The following CRY2 variants were observed in gnomAD, a reference collection of about 807,000 sequenced individuals.
CRY2 encodes the protein cryptochrome-2.
In CRY2, 31 loss-of-function variants were observed where a neutral mutation model predicts 69.5. The ratio of observed to expected loss-of-function variants is 0.45; its 90% CI spans 0.34 to 0.60. The LOEUF (loss-of-function observed/expected upper bound fraction) is 0.60, where lower values mean the gene tolerates loss of function less well. Ranked by LOEUF, CRY2 falls within the 20% of genes least tolerant of loss-of-function variation. CRY2 has a pLI of 0.02. For missense variants in CRY2, 606 were observed against 797.8 expected, an observed-to-expected ratio of 0.76 and a Z score of 2.90; for synonymous variants, 303 against 312.2, an observed-to-expected ratio of 0.97 and a Z score of 0.31.
intron 4 of CRY2, 196 bp from the exon 5 acceptor site, chr11:45,861,864 A>C: frequency 1.7e-6 from 1 of 576,740 alleles, no homozygotes; most frequent in Non-Finnish European, 3.1e-6. Flanking sequence ...GTGCAGGGGA[A>C]AGCAGAGAAA....
At chr11:45,880,125 G>C (rs1232119025) in intron 11 of CRY2, among the ~76,000 whole-genome samples, 1 of 152,174 alleles carries the variant, frequency 6.6e-6, no homozygotes, top group Non-Finnish European at 1.5e-5. Context: ...CAAGTGTATA[G>C]TACCTGACCC....
chr11:45,865,084 A>C (rs1423234178), intron 5 of CRY2, among the ~76,000 whole-genome samples: 1 of 152,138 alleles, frequency 6.6e-6, no homozygotes, highest in Non-Finnish European at 1.5e-5. Context: ...TTAAATGGCC[A>C]AGACTAAATT....
chr11:45,877,864 C>G (rs2086435828), intron 11 of CRY2, among the ~76,000 whole-genome samples: 1 of 152,152 alleles, frequency 6.6e-6, no homozygotes, highest in South Asian at 2.1e-4. Flanking sequence ...TTGAACAGGC[C>G]TTTGGCTAGC....
intron 6 of CRY2, 107 bp downstream of exon 6, chr11:45,867,859 G>A: frequency 1.4e-6 from 2 of 1,456,894 alleles, no homozygotes; most frequent in Non-Finnish European, 1.9e-6. Flanking sequence ...TTGGGCTATG[G>A]CCCCTGGAAG....
At chr11:45,866,420 C>T (rs546356006) in intron 5 of CRY2, among the ~76,000 whole-genome samples, 10 of 152,140 alleles carry the variant, frequency 6.6e-5, no homozygotes, top group African/African-American at 2.2e-4. Flanking sequence ...AGACCAAGAG[C>T]GCCAGGCAGC....
chr11:45,868,734 G>A (rs2086351330), intron 6 of CRY2, among the ~76,000 whole-genome samples: 1 of 152,142 alleles, frequency 6.6e-6, no homozygotes, highest in East Asian at 1.9e-4. Flanking sequence ...TTCAGGCTCA[G>A]GTGATCCTCC....
At chr11:45,869,963 G>A in intron 7 of CRY2, 90 bp from the exon 8 acceptor site, 1 of 1,516,322 alleles carries the variant, frequency 6.6e-7, no homozygotes. Flanking sequence ...TTCAATGGAA[G>A]GGTTTTGGCT....
rs193130090 is a variant in CRY2 at position 45,855,757 on chromosome 11, G to C, written c.216-225G>C. On this transcript the variant is annotated intron_variant, in intron 1 of 11. Transcript: ENST00000616080. ...AAACAGGCAAAGAGGTTAGGTTATT[G>C]CCTAAAGTCACACAGCTAGTAAGTG... is the stretch of plus-strand genomic sequence containing the variant. 2.0e-3 allele frequency among the ~76,000 whole-genome samples: 304 copies of C among 152,312 alleles called. 1 individual carries two copies. The South Asian group carries it at 0.03, about 15-fold the overall frequency.
Position 45,867,655 on chromosome 11 carries a change from C to A in CRY2, c.785C>A (p.Ser262Tyr). 1.2e-6 allele frequency: 2 copies of A among 1,614,250 alleles called. No individual in the cohort carries two copies. Among genetic ancestry groups the A allele is most frequent in the Non-Finnish European group, 8.5e-7 (1 of 1,180,046 alleles). The change falls in exon 6 of 12, where the codon TCC becomes TAC. Residue 262 changes from serine (S) to tyrosine (Y), a missense_variant. This residue lies in a region of CRY2 where 382 missense variants were observed against 508.9 expected (regional missense o/e 0.75). Transcript: ENST00000616080. ...NYERPRMNANSLLASPTGLSP... is the reference protein window; with the variant it reads ...NYERPRMNANYLLASPTGLSP... ...GAGAGACCCCGAATGAACGCCAACT[C>A]CCTCCTGGCCAGCCCCACAGGCCTC... is the stretch of plus-strand genomic sequence containing the variant.
chr11:45,867,277 A>G (rs146281114), intron 5 of CRY2, among the ~76,000 whole-genome samples: 132 of 152,326 alleles, frequency 8.7e-4, no homozygotes, highest in Middle Eastern at 3.4e-3. Context: ...ATAATTAGAG[A>G]GTTCATTCAG....
At chr11:45,859,006 G>C in intron 3 of CRY2, 133 bp downstream of exon 3, 1 of 1,116,010 alleles carries the variant, frequency 9.0e-7, no homozygotes, top group South Asian at 1.6e-5. Context: ...CTAGAAGCTG[G>C]AGGAGAATAG....
intron 1 of CRY2, among the ~76,000 whole-genome samples, chr11:45,855,301 A>G (rs1293273501): frequency 6.6e-6 from 1 of 152,240 alleles, no homozygotes; most frequent in Non-Finnish European, 1.5e-5. Flanking sequence ...TCTGGGAACT[A>G]GGGACCCATT....
chr11:45,874,058 G>A (rs966218365), intron 11 of CRY2, among the ~76,000 whole-genome samples: 2 of 152,142 alleles, frequency 1.3e-5, no homozygotes, highest in African/African-American at 4.8e-5. Flanking sequence ...GAGGTGGGTG[G>A]ATCACCTGAG....
intron 3 of CRY2, among the ~76,000 whole-genome samples, chr11:45,860,336 A>G (rs1487424313): frequency 6.8e-6 from 1 of 147,948 alleles, no homozygotes; most frequent in African/African-American, 2.5e-5. Context: ...TAAGAAGGGG[A>G]TGATTTTCCA....
intron 2 of CRY2, among the ~76,000 whole-genome samples, chr11:45,857,703 C>A (rs973218898): frequency 2.0e-5 from 3 of 152,142 alleles, no homozygotes; most frequent in African/African-American, 7.2e-5. Flanking sequence ...AGGAGGAGGT[C>A]AAGAAGGCTT....
At chr11:45,877,886 G>A (rs1056496821) in intron 11 of CRY2, among the ~76,000 whole-genome samples, 1 of 152,192 alleles carries the variant, frequency 6.6e-6, no homozygotes, top group Admixed American at 6.5e-5. Context: ...TTGTAGGCGA[G>A]GCCAAGTTGG....
chr11:45,875,605 C>A (rs1187816817), intron 11 of CRY2, among the ~76,000 whole-genome samples: 1 of 152,142 alleles, frequency 6.6e-6, no homozygotes, highest in Non-Finnish European at 1.5e-5. Flanking sequence ...GTTTACTCTG[C>A]CCTCCACTGG....
intron 3 of CRY2, among the ~76,000 whole-genome samples, chr11:45,860,272 T>G (rs2086276474): frequency 6.6e-6 from 1 of 151,974 alleles, no homozygotes; most frequent in Admixed American, 6.6e-5. Context: ...TCTCTGAATT[T>G]GGGAGGATAA....
chr11:45,847,851 C>T, intron 1 of CRY2, 146 bp downstream of exon 1: 5 of 1,184,236 alleles, frequency 4.2e-6, no homozygotes, highest in South Asian at 1.6e-5. Context: ...TCGTCATGGT[C>T]CTAACGCGCC....
Sources: gnomAD v4.1 joint callset for allele counts (sites outside exome capture counted in the v4.1 genomes callset) on GRCh38, gnomAD v4.1.1 for gene constraint, gnomAD v4.1.1 regional missense constraint, MANE v1.5 for transcripts, NCBI Gene and HGNC (gene_info 2026-07-23, HGNC 2026-07-21) for gene names.